Variants in GRIN2A observed in about 807,000 individuals in gnomAD.
GRIN2A encodes glutamate receptor ionotropic, NMDA 2A.
Under a neutral mutation model 113.4 loss-of-function variants are expected in GRIN2A, and 22 were observed. The ratio of observed to expected loss-of-function variants is 0.19; its 90% CI spans 0.14 to 0.28. GRIN2A has a LOEUF of 0.28. Among genes scored for constraint, GRIN2A ranks in the 10% least tolerant of loss-of-function variants. The pLI is 1.00. For missense variants in GRIN2A, 1,502 were observed against 1,887.0 expected (o/e 0.80, Z 3.78); for synonymous variants, 827 against 738.4 (o/e 1.12, Z -1.94).
At chr16:10,028,429 C>A (rs2046862143) in intron 2 of GRIN2A, among the ~76,000 whole-genome samples, 1 of 152,226 alleles carries the variant, frequency 6.6e-6, no homozygotes, top group African/African-American at 2.4e-5. Context: ...CCCAGCACCT[C>A]TGCATCTGGG....
intron 2 of GRIN2A, among the ~76,000 whole-genome samples, chr16:10,052,753 A>T (rs929586320): frequency 6.6e-6 from 1 of 152,184 alleles, no homozygotes; most frequent in East Asian, 1.9e-4. Flanking sequence ...TATCCTTAGA[A>T]TACAGAGAGT....
intron 3 of GRIN2A, among the ~76,000 whole-genome samples, chr16:9,910,378 A>C (rs539170999): frequency 6.6e-6 from 1 of 152,190 alleles, no homozygotes; most frequent in East Asian, 1.9e-4. Context: ...GTATTTTTCC[A>C]CAACAAAGAA....
At chr16:10,171,406 A>C (rs1305427714) in intron 2 of GRIN2A, 1 of 152,240 alleles carries the variant, frequency 6.6e-6, no homozygotes, top group African/African-American at 2.4e-5. Context: ...GCCTCGTGCA[A>C]ACATATGGTC....
intron 2 of GRIN2A, among the ~76,000 whole-genome samples, chr16:10,000,654 T>C (rs547844536): frequency 1.2e-4 from 19 of 152,278 alleles, no homozygotes; most frequent in African/African-American, 3.8e-4. Flanking sequence ...ACTGATTTCA[T>C]TGTATTAAGG....
chr16:9,785,279 A>G (rs1356113373), intron 11 of GRIN2A, among the ~76,000 whole-genome samples: 3 of 152,194 alleles, frequency 2.0e-5, no homozygotes, highest in East Asian at 1.9e-4. Context: ...ATGAATTCAT[A>G]TCCTTTGTAG....
chr16:9,866,347 G>C (rs9932343), intron 4 of GRIN2A, among the ~76,000 whole-genome samples: 2,735 of 152,214 alleles, frequency 0.018, 90 homozygotes, highest in African/African-American at 0.062. Flanking sequence ...GGGATGTGTA[G>C]GATCAGAGAA....
intron 2 of GRIN2A, among the ~76,000 whole-genome samples, chr16:10,090,970 A>T (rs753677085): frequency 4.6e-5 from 7 of 152,202 alleles, no homozygotes; most frequent in Non-Finnish European, 7.3e-5. Flanking sequence ...TATGGAAATG[A>T]ACATTAAAAC....
At chr16:9,817,340 T>C (rs1293814246) in intron 10 of GRIN2A, among the ~76,000 whole-genome samples, 1 of 152,124 alleles carries the variant, frequency 6.6e-6, no homozygotes, top group Non-Finnish European at 1.5e-5. Flanking sequence ...TAATAAAGAT[T>C]CACAGGCTCC....
At chr16:10,160,893 C>G (rs1043950466) in intron 2 of GRIN2A, among the ~76,000 whole-genome samples, 2 of 152,160 alleles carry the variant, frequency 1.3e-5, no homozygotes, top group Non-Finnish European at 2.9e-5. Flanking sequence ...CGCAGAGGCA[C>G]GTTCGTGGAG....
intron 4 of GRIN2A, among the ~76,000 whole-genome samples, chr16:9,862,334 T>C (rs7199375): frequency 0.31 from 47,198 of 151,974 alleles, 7,544 homozygotes; most frequent in African/African-American, 0.35. Flanking sequence ...TTTTTTCCTC[T>C]CGTAATAACT....
rs182728829 is a variant in GRIN2A, at chr16:9,836,994, A to C, written c.1652-2764T>G. 3.2e-4 allele frequency among the ~76,000 whole-genome samples: 48 copies of C among 152,296 alleles called. 1 individual carries two copies. The highest frequency in any genetic ancestry group is 1.1e-3 in the African/African-American group (44 of 41,576). On this transcript the variant is annotated intron_variant, in intron 7 of 12. Transcript: ENST00000330684. ...TTGAAGAGCCACTGGTTACATTTTT[A>C]CACAAAAGCTTAGAGGCATTACCTG...
At chr16:10,177,344 A>G (rs1170400471) in intron 2 of GRIN2A, among the ~76,000 whole-genome samples, 1 of 152,100 alleles carries the variant, frequency 6.6e-6, no homozygotes, top group Non-Finnish European at 1.5e-5. Context: ...GGGACCAGAC[A>G]TATACCCCGA....
Position 10,180,238 on chromosome 16 carries a change from C to A in GRIN2A, c.174G>T (p.Glu58Asp), listed in dbSNP as rs1432050454. ...CGTCCAGGGGCAGCCCCGCCGCCTG[C>A]TCGGGGCCCCACAGTGTTCGAAGTT... ...ERELRTLWGP[E>D]QAAGLPLDVN... is the part of the protein sequence containing the mutation. Residue 58 changes from glutamate (E) to aspartate (D), a missense_variant, in exon 2 of 13, where the codon GAG becomes GAT. Glu to Asp is a conservative substitution (Grantham distance 45). Coordinates refer to ENST00000330684, the MANE Select transcript of GRIN2A (RefSeq NM_001134407.3). The surrounding 1 kb of genome is among the most constrained non-coding windows in gnomAD (Gnocchi z 7.0). The A allele has an allele frequency of 6.2e-7, 1 of 1,613,946 alleles. No homozygotes were observed. The highest frequency in any genetic ancestry group is 8.5e-7 in the Non-Finnish European group (1 of 1,180,034).
At chr16:9,911,124 C>T (rs1018895679) in intron 3 of GRIN2A, among the ~76,000 whole-genome samples, 5 of 152,086 alleles carry the variant, frequency 3.3e-5, no homozygotes, top group Non-Finnish European at 7.4e-5. Flanking sequence ...AGCACAGGAG[C>T]TAACAGCAGC....
At chr16:9,941,209 T>G (rs556849313) in intron 2 of GRIN2A, among the ~76,000 whole-genome samples, 112 of 152,320 alleles carry the variant, frequency 7.4e-4, no homozygotes, top group African/African-American at 2.6e-3. Flanking sequence ...AGATTGGTAC[T>G]GGTGGAGAGG....
chr16:9,776,820 G>A (rs986055476), intron 11 of GRIN2A, among the ~76,000 whole-genome samples: 7 of 152,108 alleles, frequency 4.6e-5, no homozygotes. Flanking sequence ...AAATGGCAAA[G>A]GAACAACTTT....
Position 10,044,007 on chromosome 16 carries a change from G to GTATATATATA in GRIN2A, c.415-105466_415-105457dup, listed in dbSNP as rs368522556. Among the ~76,000 whole-genome samples, 869 of 116,630 alleles carry GTATATATATA rather than the reference G, an allele frequency of 7.5e-3. 2 individuals are homozygous for GTATATATATA. Among genetic ancestry groups the GTATATATATA allele is most frequent in the Non-Finnish European group, 0.011 (611 of 57,820 alleles). 76.5% of individuals were successfully genotyped at this position (116,630 alleles called of 152,430 possible). A position where few individuals can be genotyped will look rare whatever the true frequency, so the allele number is the denominator to read the frequency against. ...TACACATACGTGTGTGTGTGTGTGT[G>GTATATATATA]TATATATATATATATAGAGAGAGAG... is the stretch of plus-strand genomic sequence containing the variant. On this transcript the variant is annotated intron_variant, in intron 2 of 12. Transcript: ENST00000330684.
intron 2 of GRIN2A, among the ~76,000 whole-genome samples, chr16:10,122,688 A>G (rs2048857992): frequency 6.6e-6 from 1 of 152,210 alleles, no homozygotes; most frequent in South Asian, 2.1e-4. Flanking sequence ...GATGAAAGGA[A>G]GTAGCAAAGA....
intron 4 of GRIN2A, among the ~76,000 whole-genome samples, chr16:9,885,959 C>T (rs1277345692): frequency 1.3e-5 from 2 of 152,202 alleles, no homozygotes; most frequent in Non-Finnish European, 2.9e-5. Flanking sequence ...GAAAGGCCCA[C>T]AAAATATTAA....
Sources: gnomAD v4.1 joint callset for allele counts (sites outside exome capture counted in the v4.1 genomes callset) on GRCh38, gnomAD v4.1.1 for gene constraint, Gnocchi (gnomAD v3.1) non-coding constraint, MANE v1.5 for transcripts, NCBI Gene and HGNC (gene_info 2026-07-23, HGNC 2026-07-21) for gene names.